The following SH2D4A variants were observed in gnomAD, a reference collection of about 807,000 sequenced individuals.
The protein encoded by SH2D4A is SH2 domain-containing protein 4A.
In SH2D4A, 70 loss-of-function variants were observed where a neutral mutation model predicts 64.7. The ratio of observed to expected loss-of-function variants is 1.08; its 90% CI spans 0.89 to 1.32. The LOEUF (loss-of-function observed/expected upper bound fraction) is 1.32. SH2D4A is among the 40% of genes most tolerant of loss of function. SH2D4A has a pLI of 0.00. For synonymous variants in SH2D4A, 268 were observed against 200.7 expected (o/e 1.34, Z -2.83); for missense variants, 706 against 540.1 (o/e 1.31, Z -3.04).
chr8:19,366,821 A>C (rs1324660154), intron 7 of SH2D4A, among the ~76,000 whole-genome samples: 3 of 152,200 alleles, frequency 2.0e-5, no homozygotes, highest in Non-Finnish European at 4.4e-5. Context: ...AACCTTTTTG[A>C]TTCCACAGAA....
intron 5 of SH2D4A, 84 bp downstream of exon 5, chr8:19,357,367 T>G: frequency 1.0e-6 from 1 of 1,001,756 alleles, no homozygotes; most frequent in Non-Finnish European, 1.6e-6. Context: ...ATTAATCTCA[T>G]GCAGAAATGA....
chr8:19,318,348 T>C (rs2052125829), intron 1 of SH2D4A, among the ~76,000 whole-genome samples: 2 of 152,222 alleles, frequency 1.3e-5, no homozygotes, highest in Non-Finnish European at 2.9e-5. Context: ...AAAAGTATGA[T>C]GGTTTATGGG....
In SH2D4A at chr8:19,324,404, A is replaced by G. The variant is rs147816835; in HGVS notation, c.181+4676A>G. Among the ~76,000 whole-genome samples, 1,031 of 152,168 alleles carry G rather than the reference A, an allele frequency of 6.8e-3. 12 individuals are homozygous for G. The highest frequency in any genetic ancestry group is 0.024 in the African/African-American group (984 of 41,508). ...ATCCTTTATGAAAAGCTTTCCCTCT[A>G]TTTTTGTGAAATAATGTTAAGGCCA... is the stretch of plus-strand genomic sequence containing the variant. On this transcript the variant is annotated intron_variant, in intron 2 of 9. Coordinates refer to ENST00000265807, the MANE Select transcript of SH2D4A (RefSeq NM_022071.4).
chr8:19,319,777 T>C, intron 2 of SH2D4A, 49 bp downstream of exon 2: 1 of 1,478,948 alleles, frequency 6.8e-7, no homozygotes, highest in Admixed American at 2.6e-5. Flanking sequence ...GAACAGCTCC[T>C]GGCTTGCTTT....
At chr8:19,385,541 C>T (rs984605836) in intron 8 of SH2D4A, among the ~76,000 whole-genome samples, 4 of 152,206 alleles carry the variant, frequency 2.6e-5, no homozygotes, top group Admixed American at 1.3e-4. Context: ...TTTGATACAT[C>T]CTACTGACTC....
In SH2D4A at chr8:19,313,805, C is replaced by T. The variant is rs28366046; in HGVS notation, c.-223C>T. 0.037 allele frequency: 56,462 copies of T among 1,507,926 alleles called. 1,271 individuals carry two copies. The highest frequency in any genetic ancestry group is 0.062 in the South Asian group (5,100 of 81,984). The allele number at this position is 1,507,926 out of a possible 1,614,324, so 93.4% of individuals were successfully genotyped here. A position where few individuals can be genotyped will look rare whatever the true frequency, so the allele number is the denominator to read the frequency against. On this transcript the variant is annotated 5_prime_UTR_variant, in exon 1 of 10. Coordinates refer to ENST00000265807, the MANE Select transcript of SH2D4A (RefSeq NM_022071.4). ...GTGGCGGGTGATCGAGCCACCCTGC[C>T]CAGGGGCGCCCAGCACTGGTAGGTG...
chr8:19,389,852 C>A (rs960179893), intron 8 of SH2D4A, among the ~76,000 whole-genome samples: 1 of 152,136 alleles, frequency 6.6e-6, no homozygotes, highest in Non-Finnish European at 1.5e-5. Flanking sequence ...CCAGCTTGGG[C>A]AATGGAGTAA....
rs187082815 is a variant in SH2D4A at position 19,325,651 on chromosome 8, C to T, written c.181+5923C>T. On this transcript the variant is annotated intron_variant, in intron 2 of 9. Transcript: ENST00000265807. ...CTAGTTCTTCCATCTGCTTTTCCAGCGGAGGTTCTCTCGTTTCTATACTGC... is the reference window on the plus strand; with the variant it reads ...CTAGTTCTTCCATCTGCTTTTCCAGTGGAGGTTCTCTCGTTTCTATACTGC... 5.8e-4 allele frequency among the ~76,000 whole-genome samples: 88 copies of T among 152,296 alleles called. No individual in the cohort carries two copies. In the Middle Eastern group the frequency reaches 0.014, roughly 24 times the overall value.
rs145176827 is a variant in SH2D4A, at chr8:19,395,203, A to T, written c.*561A>T. The T allele has an allele frequency of 6.6e-6, 1 of 152,244 alleles. No individual in the cohort carries two copies. The highest frequency in any genetic ancestry group is 1.5e-5 in the Non-Finnish European group (1 of 68,042). The allele number at this position is 152,244 out of a possible 1,614,324, so 9.4% of individuals were successfully genotyped here. A position where few individuals can be genotyped will look rare whatever the true frequency, so the allele number is the denominator to read the frequency against. On this transcript the variant is annotated 3_prime_UTR_variant, in exon 10 of 10. Coordinates refer to ENST00000265807, the MANE Select transcript of SH2D4A (RefSeq NM_022071.4). ...ATGTAAATTGAATGAGAGGCTTAAC[A>T]TGCATGAAAATACAGATGGACCTGC...
intron 4 of SH2D4A, among the ~76,000 whole-genome samples, chr8:19,339,107 A>T (rs1343072916): frequency 6.6e-6 from 1 of 152,236 alleles, no homozygotes; most frequent in Non-Finnish European, 1.5e-5. Context: ...TAAATCCAAG[A>T]GTCCAAAAGC....
intron 7 of SH2D4A, among the ~76,000 whole-genome samples, chr8:19,372,297 G>A (rs1317082689): frequency 1.3e-5 from 2 of 152,164 alleles, no homozygotes; most frequent in African/African-American, 4.8e-5. Flanking sequence ...GCTCTCCCAA[G>A]GGCTCTATGA....
chr8:19,344,512 C>G (rs374727272), intron 4 of SH2D4A, among the ~76,000 whole-genome samples: 3 of 152,168 alleles, frequency 2.0e-5, no homozygotes, highest in South Asian at 4.1e-4. Flanking sequence ...GGAGAAAGTT[C>G]TTTGCTTTCG....
intron 7 of SH2D4A, 75 bp from the exon 8 acceptor site, chr8:19,373,455 T>TATATATATATATATATATATACACACCC (rs1554485279): frequency 3.1e-6 from 3 of 962,326 alleles, no homozygotes; most frequent in South Asian, 4.7e-5. Flanking sequence ...TATATATATA[T>TATATATATATATATATATATACACACCC]ATATATATAT....
At chr8:19,348,683 A>T (rs543231475) in intron 4 of SH2D4A, among the ~76,000 whole-genome samples, 3 of 152,232 alleles carry the variant, frequency 2.0e-5, no homozygotes, top group Non-Finnish European at 4.4e-5. Flanking sequence ...TAGGATTCTC[A>T]TTCATCTCAA....
chr8:19,371,304 C>T (rs2053091239), intron 7 of SH2D4A, among the ~76,000 whole-genome samples: 1 of 152,158 alleles, frequency 6.6e-6, no homozygotes, highest in African/African-American at 2.4e-5. Context: ...AAAAATCTTT[C>T]TCTTTCCTTT....
chr8:19,318,052 C>A (rs1242079329), intron 1 of SH2D4A, among the ~76,000 whole-genome samples: 1 of 152,130 alleles, frequency 6.6e-6, no homozygotes, highest in African/African-American at 2.4e-5. Flanking sequence ...AGGCACCCAC[C>A]ACCATGCCCA....
intron 6 of SH2D4A, 62 bp from the exon 7 acceptor site, chr8:19,364,010 T>C: frequency 2.0e-6 from 3 of 1,536,642 alleles, no homozygotes; most frequent in Non-Finnish European, 2.7e-6. Flanking sequence ...CAATGAATGC[T>C]GAGCCTTCTC....
chr8:19,393,457 C>A lies in SH2D4A; in HGVS notation c.1188C>A (p.Ile396=), dbSNP rs148931965. 75 of 1,614,122 alleles carry A rather than the reference C, an allele frequency of 4.6e-5. No homozygotes were observed. The highest frequency in any genetic ancestry group is 6.2e-5 in the Non-Finnish European group (73 of 1,180,052). The change falls in exon 9 of 10, where the codon ATC becomes ATA. Residue 396 remains isoleucine (I), a synonymous_variant. Transcript: ENST00000265807. ...AGGACGGCTGTAAACATTTCCTCAT[C>A]GATGCCTCTGCAGACGCCTACAGCT... The part of the protein sequence containing the change: ...LSEDGCKHFL[I]DASADAYSFL...
intron 8 of SH2D4A, among the ~76,000 whole-genome samples, chr8:19,376,978 A>G (rs537428237): frequency 1.3e-5 from 2 of 152,354 alleles, no homozygotes; most frequent in South Asian, 4.1e-4. Flanking sequence ...TTAAACACAA[A>G]GTACCAAGAA....
Sources: allele counts gnomAD v4.1 joint callset (sites outside exome capture counted in the v4.1 genomes callset), GRCh38; gene constraint gnomAD v4.1.1; transcripts MANE v1.5; gene names NCBI Gene and HGNC (gene_info 2026-07-23, HGNC 2026-07-21).